Variants in PKHD1 observed in about 807,000 individuals in gnomAD.
The protein encoded by PKHD1 is PKHD1 ciliary IPT domain containing fibrocystin/polyductin, also known as fibrocystin.
A neutral mutation model predicts 412.0 loss-of-function variants in PKHD1; 291 were observed. The ratio of observed to expected loss-of-function variants is 0.71; its 90% CI spans 0.64 to 0.78. The LOEUF (loss-of-function observed/expected upper bound fraction) is 0.78. PKHD1 is among the 30% of genes least tolerant of loss of function. PKHD1 has a pLI of 0.00. For missense variants in PKHD1, 4,825 were observed against 4,950.7 expected (o/e 0.97, Z 0.76); for synonymous variants, 1,777 against 1,821.5 (o/e 0.98, Z 0.62).
chr6:51,650,570 T>C (rs530651960), intron 61 of PKHD1, among the ~76,000 whole-genome samples: 1 of 152,262 alleles, frequency 6.6e-6, no homozygotes, highest in African/African-American at 2.4e-5. Flanking sequence ...ATTTATTTAA[T>C]ATGGAGGGTG....
intron 37 of PKHD1, among the ~76,000 whole-genome samples, chr6:51,927,351 G>C (rs1199922455): frequency 6.6e-6 from 1 of 152,080 alleles, no homozygotes. Flanking sequence ...CCACATTATA[G>C]GGAAGCCACA....
intron 51 of PKHD1, among the ~76,000 whole-genome samples, chr6:51,834,578 C>T (rs988832521): frequency 8.6e-5 from 13 of 151,978 alleles, no homozygotes; most frequent in African/African-American, 2.2e-4. Context: ...TTGGCAAAAA[C>T]GATATTGCAA....
intron 60 of PKHD1, among the ~76,000 whole-genome samples, chr6:51,677,153 T>C (rs546853641): frequency 6.6e-6 from 1 of 152,296 alleles, no homozygotes; most frequent in African/African-American, 2.4e-5. Context: ...TTACAAGTAA[T>C]ATGAGAAACT....
chr6:51,890,228 G>C (rs1001095968), intron 43 of PKHD1, among the ~76,000 whole-genome samples: 3 of 152,146 alleles, frequency 2.0e-5, no homozygotes, highest in Non-Finnish European at 2.9e-5. Flanking sequence ...ATAGTTGTCA[G>C]AGCCAGCTCC....
At position 52,033,091 on chromosome 6, in the gene PKHD1, T is replaced by A. The variant is rs148335285; in HGVS notation, c.3303A>T (p.Thr1101=). 1 of 1,610,990 alleles carries A rather than the reference T, an allele frequency of 6.2e-7. No homozygotes were observed. Among genetic ancestry groups the A allele is most frequent in the African/African-American group, 1.3e-5 (1 of 74,876 alleles). ...DYSAVLPRAF[T]YVSSLNPVIV... is the part of the protein sequence containing the mutation. Reference sequence around the variant, plus strand: ...TAACTGGATTTAAGGAAGAGACATATGTAAATGCTCTGGGAAGAACTGCAG... The same window carrying A: ...TAACTGGATTTAAGGAAGAGACATAAGTAAATGCTCTGGGAAGAACTGCAG... Residue 1101 remains threonine, a synonymous_variant, in exon 29 of 67, where the codon ACA becomes ACT. Coordinates refer to ENST00000371117, the MANE Select transcript of PKHD1 (RefSeq NM_138694.4).
At chr6:51,966,878 A>G (rs1792884638) in intron 35 of PKHD1, among the ~76,000 whole-genome samples, 1 of 145,996 alleles carries the variant, frequency 6.8e-6, no homozygotes, top group Non-Finnish European at 1.5e-5. Flanking sequence ...GTGATCAGAG[A>G]CTGCTCTGAT....
intron 35 of PKHD1, among the ~76,000 whole-genome samples, chr6:51,984,556 A>G (rs1411615242): frequency 6.6e-6 from 1 of 152,226 alleles, no homozygotes; most frequent in Non-Finnish European, 1.5e-5. Context: ...AGTCCTAAGA[A>G]CAATGGTCTG....
intron 48 of PKHD1, among the ~76,000 whole-genome samples, chr6:51,861,834 C>T (rs575419353): frequency 6.6e-6 from 1 of 152,278 alleles, no homozygotes; most frequent in Non-Finnish European, 1.5e-5. Flanking sequence ...TAGGACAATA[C>T]TTTTTGCCCA....
At chr6:52,001,826 T>G (rs1470297314) in intron 35 of PKHD1, among the ~76,000 whole-genome samples, 1 of 152,230 alleles carries the variant, frequency 6.6e-6, no homozygotes, top group East Asian at 1.9e-4. Flanking sequence ...ACACGGCAAG[T>G]TCTGATTATG....
chr6:51,725,683 T>C (rs1283726793), intron 60 of PKHD1, among the ~76,000 whole-genome samples: 1 of 152,202 alleles, frequency 6.6e-6, no homozygotes, highest in Non-Finnish European at 1.5e-5. Context: ...ACGTTTCATT[T>C]CACAGGTCAT....
intron 36 of PKHD1, among the ~76,000 whole-genome samples, chr6:51,955,171 T>C (rs1157351543): frequency 6.6e-6 from 1 of 151,708 alleles, no homozygotes; most frequent in East Asian, 1.9e-4. Flanking sequence ...AATTCTCTTT[T>C]GTGTTTAACG....
intron 48 of PKHD1, among the ~76,000 whole-genome samples, chr6:51,862,019 C>T (rs540604405): frequency 4.6e-5 from 7 of 152,274 alleles, no homozygotes; most frequent in African/African-American, 1.7e-4. Flanking sequence ...TGGACAACTG[C>T]TTGTCAGGGA....
chr6:51,726,270 G>A (rs954330112), intron 60 of PKHD1, among the ~76,000 whole-genome samples: 2 of 152,166 alleles, frequency 1.3e-5, no homozygotes, highest in African/African-American at 4.8e-5. Flanking sequence ...ATTGGTGGAT[G>A]AGGCCAATCC....
chr6:51,928,484 T>A (rs928214572), intron 37 of PKHD1, among the ~76,000 whole-genome samples: 3 of 151,964 alleles, frequency 2.0e-5, no homozygotes, highest in Non-Finnish European at 2.9e-5. Flanking sequence ...CAGCTCAAGT[T>A]TCCCATGAAA....
At chr6:51,819,247 C>T (rs1268361574) in intron 52 of PKHD1, among the ~76,000 whole-genome samples, 3 of 152,130 alleles carry the variant, frequency 2.0e-5, no homozygotes, top group African/African-American at 7.2e-5. Context: ...GTTATACAAC[C>T]CATATTGTCA....
At position 51,690,271 on chromosome 6, in the gene PKHD1, C is replaced by CA. The variant is rs70977310; in HGVS notation, c.10157-30303dup. Among the ~76,000 whole-genome samples, 62 of 109,918 alleles carry CA rather than the reference C, an allele frequency of 5.6e-4. 2 individuals carry two copies. Among genetic ancestry groups the CA allele is most frequent in the African/African-American group, 2.0e-3 (60 of 29,892 alleles). The allele number at this position is 109,918 out of a possible 152,430, so 72.1% of individuals were successfully genotyped here. On this transcript the variant is annotated intron_variant, in intron 60 of 66. Transcript: ENST00000371117. ...TGGGTGACAGAGTGAGACTCCATCT[C>CA]AAAAAAAAAAAAAAAAAAAAAAAAA...
At chr6:52,006,589 C>T (rs1457902102) in intron 35 of PKHD1, among the ~76,000 whole-genome samples, 12 of 152,096 alleles carry the variant, frequency 7.9e-5, no homozygotes, top group African/African-American at 2.9e-4. Flanking sequence ...GTTGGCCAGG[C>T]TTGTCTCGAA....
intron 39 of PKHD1, among the ~76,000 whole-genome samples, chr6:51,910,023 G>A (rs969192557): frequency 2.3e-4 from 35 of 152,098 alleles, no homozygotes; most frequent in African/African-American, 8.2e-4. Flanking sequence ...TACTTCCCCA[G>A]CTGTGCCACT....
chr6:51,706,636 A>T (rs1780055343), intron 60 of PKHD1, among the ~76,000 whole-genome samples: 3 of 152,132 alleles, frequency 2.0e-5, no homozygotes, highest in Admixed American at 6.6e-5. Context: ...TTCCATCCCT[A>T]AACTCTGTCC....
Sources: allele counts gnomAD v4.1 joint callset (sites outside exome capture counted in the v4.1 genomes callset), GRCh38; gene constraint gnomAD v4.1.1; transcripts MANE v1.5; gene names NCBI Gene and HGNC (gene_info 2026-07-23, HGNC 2026-07-21).